USP32: variants seen among roughly 807,000 people sequenced by gnomAD.
USP32 encodes ubiquitin carboxyl-terminal hydrolase 32.
In USP32, 59 loss-of-function variants were observed where a neutral mutation model predicts 204.8. The observed-to-expected ratio is 0.29, with a 90% confidence interval of 0.23 to 0.36. The LOEUF is 0.36. USP32 is among the 10% of genes least tolerant of loss of function. The pLI, the probability that USP32 is intolerant of heterozygous loss-of-function variation, is 1.00. For synonymous variants in USP32, 517 were observed against 678.4 expected (o/e 0.76, Z 3.70); for missense variants, 1,160 against 1,946.4 (o/e 0.60, Z 7.60).
At chr17:60,235,395 A>G (rs1364221796) in intron 12 of USP32, among the ~76,000 whole-genome samples, 5 of 152,214 alleles carry the variant, frequency 3.3e-5, no homozygotes. Context: ...TATATTTTAC[A>G]TGTGAAAACA....
intron 27 of USP32, among the ~76,000 whole-genome samples, chr17:60,195,747 T>G (rs2084498197): frequency 6.6e-6 from 1 of 152,198 alleles, no homozygotes. Flanking sequence ...TCTATTTAAC[T>G]CTCACTCTCT....
chr17:60,264,434 G>A (rs553042717), intron 9 of USP32, among the ~76,000 whole-genome samples: 1 of 151,494 alleles, frequency 6.6e-6, no homozygotes, highest in East Asian at 2.0e-4. Context: ...AGGATTGCTT[G>A]AACCCAGGAG....
At chr17:60,212,238 C>T (rs946084628) in intron 18 of USP32, 140 bp from the exon 19 acceptor site, 4 of 694,562 alleles carry the variant, frequency 5.8e-6, no homozygotes, top group Admixed American at 3.0e-5. Context: ...CATTGCTTAA[C>T]GACGAGGTTA....
rs528573661 is a variant in USP32, at chr17:60,343,811, C to G, written c.186+1670G>C. On this transcript the variant is annotated intron_variant, in intron 2 of 33. Coordinates refer to ENST00000300896, the MANE Select transcript of USP32 (RefSeq NM_032582.4). ...CTTTGGGAGGCCAAGGCGGGTAGGT[C>G]ACCTGCGGTCAGGAGTTCAAGACCA... Among the ~76,000 whole-genome samples, 187 of 152,284 alleles carry G rather than the reference C, an allele frequency of 1.2e-3. 1 individual carries two copies. The highest frequency in any genetic ancestry group is 4.3e-3 in the African/African-American group (178 of 41,578).
At chr17:60,207,360 T>C (rs2084856653) in intron 24 of USP32, among the ~76,000 whole-genome samples, 1 of 152,084 alleles carries the variant, frequency 6.6e-6, no homozygotes, top group African/African-American at 2.4e-5. Flanking sequence ...AAGTGTGTTA[T>C]ATACGACTGA....
chr17:60,233,508 C>A (rs1036406927), intron 12 of USP32, among the ~76,000 whole-genome samples: 1 of 152,104 alleles, frequency 6.6e-6, no homozygotes, highest in African/African-American at 2.4e-5. Context: ...GCATCAAACT[C>A]ATTTAATCCT....
At chr17:60,411,132 C>A (rs2090015075) in intron 1 of USP32, among the ~76,000 whole-genome samples, 1 of 152,022 alleles carries the variant, frequency 6.6e-6, no homozygotes, top group Non-Finnish European at 1.5e-5. Context: ...AGTTCAAGAC[C>A]AGCCTGACCA....
chr17:60,270,823 C>CAAAAAA (rs56653936), intron 6 of USP32, among the ~76,000 whole-genome samples: 3 of 63,566 alleles, frequency 4.7e-5, no homozygotes, highest in Non-Finnish European at 1.1e-4. Flanking sequence ...AACTCTGCCT[C>CAAAAAA]AAAAAAAAAA....
In USP32 at chr17:60,243,917, T is replaced by C. The variant is rs920906301; in HGVS notation, c.1137-7677A>G. ...TTGTAACCTAAAAGCCATTTTCTTT[T>C]CTTAACAGTAAAGTGATTTTAGTTC... is the stretch of plus-strand genomic sequence containing the variant. On this transcript the variant is annotated intron_variant, in intron 11 of 33. Coordinates refer to ENST00000300896, the MANE Select transcript of USP32 (RefSeq NM_032582.4). 1.8e-4 allele frequency among the ~76,000 whole-genome samples: 28 copies of C among 152,180 alleles called. 1 individual carries two copies.
intron 2 of USP32, among the ~76,000 whole-genome samples, chr17:60,311,803 C>T (rs1419345222): frequency 2.6e-5 from 4 of 151,968 alleles, no homozygotes; most frequent in Non-Finnish European, 1.5e-5. Context: ...CCAGCCTGGG[C>T]AACAAGAGCG....
Position 60,372,680 on chromosome 17 carries a change from T to TA in USP32, c.58+19201dup, listed in dbSNP as rs994631226. ...CACAGTAAGACCCCGTTCTCTACAT[T>TA]AAAAAAAAAAAAAGAAAAATTTCCC... On this transcript the variant is annotated intron_variant, in intron 1 of 33. Transcript: ENST00000300896. Among the ~76,000 whole-genome samples, 131 of 134,844 alleles carry TA rather than the reference T, an allele frequency of 9.7e-4. 1 individual carries two copies. Among genetic ancestry groups the TA allele is most frequent in the African/African-American group, 1.6e-3 (57 of 36,544 alleles). The allele number at this position is 134,844 out of a possible 152,430, so 88.5% of individuals were successfully genotyped here.
At chr17:60,358,106 T>C (rs2089128301) in intron 1 of USP32, among the ~76,000 whole-genome samples, 1 of 152,206 alleles carries the variant, frequency 6.6e-6, no homozygotes, top group South Asian at 2.1e-4. Flanking sequence ...CATTTAATTG[T>C]CTGCTTCATC....
At chr17:60,421,745 C>G (rs2090118263) in intron 1 of USP32, 1 of 817,940 alleles carries the variant, frequency 1.2e-6, no homozygotes, top group Non-Finnish European at 1.5e-6. Flanking sequence ...GGACTCTGCC[C>G]ACCGCGTTTC....
chr17:60,254,263 T>C (rs2086239425), intron 10 of USP32, among the ~76,000 whole-genome samples: 1 of 152,264 alleles, frequency 6.6e-6, no homozygotes, highest in Non-Finnish European at 1.5e-5. Context: ...AGTTAAAATT[T>C]GGCAAGCTCT....
At chr17:60,401,221 C>A (rs532276889) in intron 1 of USP32, among the ~76,000 whole-genome samples, 43 of 148,670 alleles carry the variant, frequency 2.9e-4, no homozygotes, top group Non-Finnish European at 5.5e-4. Context: ...TTTGGGGGGC[C>A]AAGGTGGGCG....
At chr17:60,315,325 G>A (rs1001318306) in intron 2 of USP32, among the ~76,000 whole-genome samples, 5 of 152,068 alleles carry the variant, frequency 3.3e-5, no homozygotes, top group Admixed American at 2.0e-4. Flanking sequence ...GCTTGAACCC[G>A]GAAGGCAGAG....
chr17:60,398,544 A>G (rs1282896199), intron 1 of USP32, among the ~76,000 whole-genome samples: 2 of 152,220 alleles, frequency 1.3e-5, no homozygotes, highest in East Asian at 1.9e-4. Context: ...CAAGCCCCTC[A>G]TGCCTATTTA....
chr17:60,310,760 G>T (rs1453217581), intron 2 of USP32, among the ~76,000 whole-genome samples: 1 of 152,126 alleles, frequency 6.6e-6, no homozygotes, highest in Non-Finnish European at 1.5e-5. Context: ...AGCAGGCCAG[G>T]TGTGGTGGTT....
chr17:60,245,987 G>A (rs1004598627), intron 11 of USP32, among the ~76,000 whole-genome samples: 2 of 151,668 alleles, frequency 1.3e-5, no homozygotes, highest in African/African-American at 4.8e-5. Flanking sequence ...TGGTAATTAG[G>A]ATATTCATCA....
Sources: gnomAD v4.1 joint callset for allele counts (sites outside exome capture counted in the v4.1 genomes callset) on GRCh38, gnomAD v4.1.1 for gene constraint, MANE v1.5 for transcripts, NCBI Gene and HGNC (gene_info 2026-07-23, HGNC 2026-07-21) for gene names.